WDR43: variants seen among roughly 807,000 people sequenced by gnomAD.
The protein encoded by WDR43 is WD repeat-containing protein 43.
Under a neutral mutation model 91.4 loss-of-function variants are expected in WDR43, and 13 were observed. The observed-to-expected ratio is 0.14, with a 90% CI of 0.09 to 0.23. WDR43 has a LOEUF of 0.23. WDR43 is among the 10% of genes least tolerant of loss of function. The pLI, the probability that WDR43 is intolerant of heterozygous loss-of-function variation, is 1.00. For synonymous variants in WDR43, 331 were observed against 287.9 expected (o/e 1.15, Z -1.51); for missense variants, 780 against 809.4 (o/e 0.96, Z 0.44).
rs564888537 is a variant in WDR43, at chr2:28,902,493, C to G, written c.363+369C>G. Among the ~76,000 whole-genome samples, 6 of 152,342 alleles carry G rather than the reference C, an allele frequency of 3.9e-5. No homozygotes were observed. In the South Asian group the frequency reaches 1.2e-3, roughly 32 times the overall value. The stretch of plus-strand genomic sequence containing the variant: ...AGATCTTTTAGGGGCAAGTGTTGTG[C>G]TGCTGTTGCTGTCTCTTGAAGAGTG... On this transcript the variant is annotated intron_variant, in intron 2 of 17. Transcript: ENST00000407426.
At chr2:28,943,394 C>T (rs770131130) in intron 16 of WDR43, among the ~76,000 whole-genome samples, 6 of 152,138 alleles carry the variant, frequency 3.9e-5, no homozygotes, top group Non-Finnish European at 8.8e-5. Context: ...CGTCAGCTTC[C>T]CAAAGTGCTG....
At chr2:28,912,992 A>G (rs866155560) in intron 4 of WDR43, among the ~76,000 whole-genome samples, 12 of 128,872 alleles carry the variant, frequency 9.3e-5, no homozygotes, top group African/African-American at 3.6e-4. Context: ...TCACTCTGTC[A>G]CCCAGGCTGG....
rs757622530 is a variant in WDR43, at chr2:28,927,586, G to A, written c.1191G>A (p.Met397Ile). ...TAITKVRTPV[M>I]NSEAKVLVPG... ...TTGAACAGGTGAGGACACCAGTGATGAATTCTGAAGCAAAAGTTCTGGTGC... is the reference window on the plus strand; with the variant it reads ...TTGAACAGGTGAGGACACCAGTGATAAATTCTGAAGCAAAAGTTCTGGTGC... The change falls in exon 10 of 18, where the codon ATG becomes ATA. Residue 397 changes from methionine (M) to isoleucine (I), a missense_variant. Transcript: ENST00000407426. 6.2e-7 allele frequency: 1 copy of A among 1,613,802 alleles called. No individual in the cohort carries two copies. The highest frequency in any genetic ancestry group is 8.5e-7 in the Non-Finnish European group (1 of 1,179,836).
chr2:28,939,410 C>T (rs999253659), intron 14 of WDR43, among the ~76,000 whole-genome samples: 4 of 152,146 alleles, frequency 2.6e-5, no homozygotes, highest in Non-Finnish European at 4.4e-5. Flanking sequence ...TGAGGTATAA[C>T]CAGAGTAGTT....
intron 11 of WDR43, among the ~76,000 whole-genome samples, chr2:28,930,771 C>A (rs1003680176): frequency 2.0e-5 from 3 of 152,050 alleles, no homozygotes; most frequent in Non-Finnish European, 4.4e-5. Context: ...AGAAACAGTT[C>A]AAAACATTTA....
chr2:28,925,605 G>A (rs777671479), intron 8 of WDR43, among the ~76,000 whole-genome samples: 4 of 152,216 alleles, frequency 2.6e-5, no homozygotes, highest in Admixed American at 6.5e-5. Flanking sequence ...AAGTGGAAAT[G>A]TAATGGGCAG....
chr2:28,939,486 C>T (rs554856161), intron 14 of WDR43, among the ~76,000 whole-genome samples: 2 of 152,298 alleles, frequency 1.3e-5, no homozygotes, highest in East Asian at 1.9e-4. Context: ...CCCCTCAGCC[C>T]GTAGCAGTTA....
intron 8 of WDR43, among the ~76,000 whole-genome samples, chr2:28,925,774 G>A (rs1034013572): frequency 5.9e-5 from 9 of 152,108 alleles, no homozygotes; most frequent in Admixed American, 5.9e-4. Flanking sequence ...GCTCACACAA[G>A]CATACGTGCA....
chr2:28,925,691 A>G (rs1558378295), intron 8 of WDR43, among the ~76,000 whole-genome samples: 2 of 152,178 alleles, frequency 1.3e-5, no homozygotes, highest in Non-Finnish European at 2.9e-5. Flanking sequence ...ACAAAAGGTT[A>G]TTTCTTAAGC....
At chr2:28,916,228 A>G (rs887983341) in intron 5 of WDR43, among the ~76,000 whole-genome samples, 1 of 152,194 alleles carries the variant, frequency 6.6e-6, no homozygotes, top group Non-Finnish European at 1.5e-5. Context: ...TTTGTGTACA[A>G]GTCTTTATAT....
At chr2:28,940,800 C>T (rs953868492) in intron 14 of WDR43, among the ~76,000 whole-genome samples, 18 of 152,160 alleles carry the variant, frequency 1.2e-4, no homozygotes, top group African/African-American at 4.3e-4. Flanking sequence ...CCTCAGTGAA[C>T]CTGGAGGAGC....
chr2:28,921,130 A>ATTTTT (rs1323038957), intron 6 of WDR43, among the ~76,000 whole-genome samples: 1 of 141,976 alleles, frequency 7.0e-6, no homozygotes, highest in African/African-American at 2.6e-5. Flanking sequence ...TTTTAAAAAA[A>ATTTTT]ATTTTTTTTT....
intron 1 of WDR43, among the ~76,000 whole-genome samples, chr2:28,898,847 A>G (rs1050943438): frequency 2.6e-5 from 4 of 152,214 alleles, no homozygotes; most frequent in African/African-American, 7.2e-5. Context: ...CTAAAAAGTC[A>G]TTACTTTAAT....
At chr2:28,921,277 GC>G (rs1430945184) in intron 6 of WDR43, among the ~76,000 whole-genome samples, 2 of 151,722 alleles carry the variant, frequency 1.3e-5, no homozygotes, top group African/African-American at 4.8e-5. Context: ...ACAGGTGCAT[GC>G]CACCATGCCC....
chr2:28,943,187 A>T (rs1014478776), intron 16 of WDR43, among the ~76,000 whole-genome samples: 2 of 152,058 alleles, frequency 1.3e-5, no homozygotes, highest in Non-Finnish European at 2.9e-5. Flanking sequence ...GCTGGAGTGC[A>T]GTGGCTCGAG....
At chr2:28,915,809 C>CAT (rs10657572) in intron 5 of WDR43, among the ~76,000 whole-genome samples, 102,366 of 151,784 alleles carry the variant, frequency 0.67, 35,110 homozygotes, top group East Asian at 0.85. Flanking sequence ...AGATACTGTG[C>CAT]AGTGGTCTGA....
chr2:28,937,355 A>G lies in WDR43; in HGVS notation c.1556+402A>G. On this transcript the variant is annotated intron_variant, in intron 13 of 17. Transcript: ENST00000407426. ...ACATTTAAATAACATGACATCTTAA[A>G]GATCCTAAGCTTATAGTATATTATC... 2.0e-5 allele frequency among the ~76,000 whole-genome samples: 3 copies of G among 152,302 alleles called. No individual in the cohort carries two copies. The Middle Eastern group carries it at 0.01, about 518-fold the overall frequency.
chr2:28,906,571 A>C lies in WDR43; in HGVS notation c.475A>C (p.Lys159Gln). Residue 159 changes from lysine (K) to glutamine (Q), a missense_variant, in exon 3 of 18, where the codon AAA (lysine) becomes CAA (glutamine). Lys to Gln is a moderately conservative substitution (Grantham distance 53). Transcript: ENST00000407426. ...HIVEWNVQTC[K>Q]VKCKWKGDNS... ...TGTGGAATGGAACGTACAGACATGC[A>C]AAGTAAAGTGGTGAGTAACATTCAT... The C allele has an allele frequency of 6.2e-7, 1 of 1,612,054 alleles. No individual in the cohort carries two copies.
At chr2:28,919,572 C>T (rs1209001332) in intron 6 of WDR43, among the ~76,000 whole-genome samples, 3 of 151,938 alleles carry the variant, frequency 2.0e-5, no homozygotes, top group Non-Finnish European at 2.9e-5. Flanking sequence ...AGGAGAATGC[C>T]GTGAACCTGG....
Sources: gnomAD v4.1 joint callset for allele counts (sites outside exome capture counted in the v4.1 genomes callset) on GRCh38, gnomAD v4.1.1 for gene constraint, MANE v1.5 for transcripts, NCBI Gene and HGNC (gene_info 2026-07-23, HGNC 2026-07-21) for gene names.